ZDHHC2: variants seen among roughly 807,000 people sequenced by gnomAD.
ZDHHC2 encodes zDHHC palmitoyltransferase 2, also known as palmitoyltransferase ZDHHC2.
Under a neutral mutation model 55.6 loss-of-function variants are expected in ZDHHC2, and 51 were observed. The observed-to-expected ratio is 0.92, with a 90% CI of 0.73 to 1.16. ZDHHC2 has a LOEUF of 1.16. Ranked by LOEUF, ZDHHC2 falls within the 50% of genes most tolerant of loss-of-function variation. ZDHHC2 has a pLI of 0.00. For synonymous variants in ZDHHC2, 199 were observed against 152.9 expected (o/e 1.30, Z -2.22); for missense variants, 491 against 442.4 (o/e 1.11, Z -0.99).
intron 2 of ZDHHC2, among the ~76,000 whole-genome samples, chr8:17,185,612 A>G (rs1805669042): frequency 6.6e-6 from 1 of 152,178 alleles, no homozygotes; most frequent in South Asian, 2.1e-4. Flanking sequence ...CGGAGGTGGC[A>G]GTGAGCCACT....
intron 6 of ZDHHC2, among the ~76,000 whole-genome samples, chr8:17,202,098 A>T (rs1339029352): frequency 6.6e-6 from 1 of 152,222 alleles, no homozygotes; most frequent in Non-Finnish European, 1.5e-5. Context: ...TGCTTGCCAA[A>T]GGTTAAGTAA....
intron 3 of ZDHHC2, among the ~76,000 whole-genome samples, chr8:17,194,720 T>C (rs1806216795): frequency 2.6e-5 from 4 of 152,202 alleles, no homozygotes; most frequent in Admixed American, 1.3e-4. Context: ...AGTTTATTAA[T>C]TGTTAAATGC....
intron 1 of ZDHHC2, among the ~76,000 whole-genome samples, chr8:17,159,663 A>C (rs548084992): frequency 6.6e-6 from 1 of 152,318 alleles, no homozygotes; most frequent in East Asian, 1.9e-4. Flanking sequence ...TCTTTTTGGA[A>C]TATGTGTATA....
chr8:17,173,155 A>G (rs1474305409), intron 1 of ZDHHC2, among the ~76,000 whole-genome samples: 1 of 152,190 alleles, frequency 6.6e-6, no homozygotes, highest in Non-Finnish European at 1.5e-5. Flanking sequence ...GCTGCCCAGG[A>G]CAAAGCAGCC....
chr8:17,167,934 A>G (rs923252133), intron 1 of ZDHHC2, among the ~76,000 whole-genome samples: 1 of 152,186 alleles, frequency 6.6e-6, no homozygotes, highest in Admixed American at 6.5e-5. Flanking sequence ...GTTTCAGATA[A>G]TTAACCCCCA....
At chr8:17,190,470 T>A (rs1805961123) in intron 3 of ZDHHC2, among the ~76,000 whole-genome samples, 1 of 152,160 alleles carries the variant, frequency 6.6e-6, no homozygotes, top group South Asian at 2.1e-4. Flanking sequence ...TGATCAGCTG[T>A]TAGAGACCTC....
chr8:17,165,063 A>G (rs749722843), intron 1 of ZDHHC2, among the ~76,000 whole-genome samples: 1 of 152,334 alleles, frequency 6.6e-6, no homozygotes, highest in African/African-American at 2.4e-5. Context: ...TGTAATGTAC[A>G]TAGCACGTTG....
At chr8:17,177,376 A>C (rs1305680691) in intron 1 of ZDHHC2, among the ~76,000 whole-genome samples, 1 of 152,198 alleles carries the variant, frequency 6.6e-6, no homozygotes, top group Non-Finnish European at 1.5e-5. Flanking sequence ...GCAGCTAGAG[A>C]CATGAAGTCA....
intron 1 of ZDHHC2, among the ~76,000 whole-genome samples, chr8:17,159,808 T>A (rs1804245088): frequency 6.6e-6 from 1 of 152,224 alleles, no homozygotes; most frequent in South Asian, 2.1e-4. Flanking sequence ...TTATCTCGTT[T>A]GTTGATTAAC....
intron 7 of ZDHHC2, among the ~76,000 whole-genome samples, chr8:17,206,259 A>G (rs151337635): frequency 1.5e-4 from 23 of 152,356 alleles, no homozygotes; most frequent in African/African-American, 3.1e-4. Context: ...GGTGTATTAG[A>G]TAAGCTTGAT....
intron 8 of ZDHHC2, among the ~76,000 whole-genome samples, chr8:17,208,363 G>C (rs1358307881): frequency 1.3e-5 from 2 of 150,516 alleles, no homozygotes; most frequent in Non-Finnish European, 3.0e-5. Flanking sequence ...TAGATATATA[G>C]ATATAGTGGT....
chr8:17,183,063 C>G (rs1445592451), intron 1 of ZDHHC2, among the ~76,000 whole-genome samples: 2 of 152,162 alleles, frequency 1.3e-5, no homozygotes, highest in Non-Finnish European at 2.9e-5. Flanking sequence ...TGCCCAGCCC[C>G]TAACTATACC....
At chr8:17,208,963 C>T (rs1420001988) in intron 8 of ZDHHC2, among the ~76,000 whole-genome samples, 7 of 152,078 alleles carry the variant, frequency 4.6e-5, no homozygotes, top group Non-Finnish European at 1.0e-4. Flanking sequence ...TGCAAATGAC[C>T]ACATTTTTTC....
At chr8:17,194,870 T>TA (rs1268884660) in intron 3 of ZDHHC2, among the ~76,000 whole-genome samples, 3 of 152,168 alleles carry the variant, frequency 2.0e-5, no homozygotes, top group African/African-American at 7.2e-5. Flanking sequence ...TGGCGCACAT[T>TA]TATAGAAATT....
rs1807893133 is a variant in ZDHHC2, at chr8:17,220,973, G to A, written c.*752G>A. 6.6e-6 allele frequency: 1 copy of A among 152,026 alleles called. No individual in the cohort carries two copies. Among genetic ancestry groups the A allele is most frequent in the Admixed American group, 6.6e-5 (1 of 15,252 alleles). The allele number at this position is 152,026 out of a possible 1,614,324, so 9.4% of individuals were successfully genotyped here. A position where few individuals can be genotyped will look rare whatever the true frequency, so the allele number is the denominator to read the frequency against. On this transcript the variant is annotated 3_prime_UTR_variant, in exon 13 of 13. Transcript: ENST00000262096. ...ATTTTCATCTCTTCTTGTTAAATTG[G>A]GAGGAAATTTATGATAGCAATTATG...
chr8:17,218,770 T>A (rs757864778), intron 12 of ZDHHC2, among the ~76,000 whole-genome samples: 1 of 152,214 alleles, frequency 6.6e-6, no homozygotes, highest in Non-Finnish European at 1.5e-5. Context: ...TGTCATGTTT[T>A]CTATTCTATC....
At chr8:17,191,856 T>C (rs1296466192) in intron 3 of ZDHHC2, among the ~76,000 whole-genome samples, 1 of 152,246 alleles carries the variant, frequency 6.6e-6, no homozygotes, top group Non-Finnish European at 1.5e-5. Context: ...TGCTGGGTCA[T>C]ATGGTAGCTC....
rs539797408 is a variant in ZDHHC2 at position 17,214,786 on chromosome 8, C to T, written c.951-451C>T. On this transcript the variant is annotated intron_variant, in intron 10 of 12. Coordinates refer to ENST00000262096, the MANE Select transcript of ZDHHC2 (RefSeq NM_016353.5). ...ATTAGCTGAGGGTGGTGGTGTGGTC[C>T]CAGCTACTCGGGAGGCTGAAGGAGG... is the stretch of plus-strand genomic sequence containing the variant. Among the ~76,000 whole-genome samples, 6 of 151,984 alleles carry T rather than the reference C, an allele frequency of 3.9e-5. No homozygotes were observed. In the South Asian group the frequency reaches 1.2e-3, roughly 32 times the overall value.
At chr8:17,212,164 C>T (rs138742383) in intron 10 of ZDHHC2, among the ~76,000 whole-genome samples, 73 of 152,192 alleles carry the variant, frequency 4.8e-4, no homozygotes, top group African/African-American at 1.7e-3. Flanking sequence ...CAGCTAAAGT[C>T]TCTTTCTTCT....
Sources: allele counts gnomAD v4.1 joint callset (sites outside exome capture counted in the v4.1 genomes callset), GRCh38; gene constraint gnomAD v4.1.1; transcripts MANE v1.5; gene names NCBI Gene and HGNC (gene_info 2026-07-23, HGNC 2026-07-21).